SLCO3A1: variants seen among roughly 807,000 people sequenced by gnomAD.
The protein encoded by SLCO3A1 is solute carrier organic anion transporter family member 3A1, also known as PGE1 transporter.
A neutral mutation model predicts 63.1 loss-of-function variants in SLCO3A1; 27 were observed. That is an observed-to-expected ratio of 0.43 (90% confidence interval 0.32 to 0.59). SLCO3A1 has a LOEUF of 0.59. SLCO3A1 is among the 20% of genes least tolerant of loss of function. The probability of loss-of-function intolerance (pLI) is 0.09; values close to 1 mark genes in which losing one functional copy is unlikely to be tolerated. For missense variants in SLCO3A1, 773 were observed against 945.8 expected, an observed-to-expected ratio of 0.82 and a Z score of 2.40; for synonymous variants, 473 against 409.9, an observed-to-expected ratio of 1.15 and a Z score of -1.86.
Position 91,912,068 on chromosome 15 carries a change from C to T in SLCO3A1, c.181-3925C>T, listed in dbSNP as rs1023666413. 5.3e-5 allele frequency among the ~76,000 whole-genome samples: 8 copies of T among 151,598 alleles called. No homozygotes were observed. Among genetic ancestry groups the T allele is most frequent in the African/African-American group, 1.2e-4 (5 of 41,164 alleles). On this transcript the variant is annotated intron_variant, in intron 1 of 9. Transcript: ENST00000318445. This position sits in a 1 kb window ranked among gnomAD's most constrained non-coding sequence, Gnocchi z 5.0. ...ATATACACTTGGTTCAGGATAAGGA[C>T]GCTTCCTCTTTCCTTTTCCTCTTGC...
intron 2 of SLCO3A1, among the ~76,000 whole-genome samples, chr15:92,009,584 C>T (rs999668709): frequency 2.6e-5 from 4 of 152,182 alleles, no homozygotes; most frequent in Non-Finnish European, 5.9e-5. Context: ...TTGGCTCTAC[C>T]ACTATGATCT....
intron 2 of SLCO3A1, among the ~76,000 whole-genome samples, chr15:92,000,956 G>A (rs530785613): frequency 6.6e-5 from 10 of 152,078 alleles, no homozygotes; most frequent in South Asian, 2.1e-4. Context: ...ATTTCCCTTC[G>A]AGGACTGTCA....
chr15:92,024,293 A>G (rs1389205741), intron 2 of SLCO3A1, among the ~76,000 whole-genome samples: 1 of 152,228 alleles, frequency 6.6e-6, no homozygotes, highest in African/African-American at 2.4e-5. Context: ...TTTGGTAAAT[A>G]GAAGTGACTG....
chr15:92,012,420 G>C (rs2046379250), intron 2 of SLCO3A1, among the ~76,000 whole-genome samples: 1 of 152,162 alleles, frequency 6.6e-6, no homozygotes, highest in East Asian at 1.9e-4. Flanking sequence ...TCACCTTGAA[G>C]CCAAGGGAGC....
At chr15:92,015,464 C>T (rs2046415446) in intron 2 of SLCO3A1, among the ~76,000 whole-genome samples, 1 of 152,066 alleles carries the variant, frequency 6.6e-6, no homozygotes, top group African/African-American at 2.4e-5. Flanking sequence ...TGAGAACTCC[C>T]TCACTATCAC....
intron 2 of SLCO3A1, among the ~76,000 whole-genome samples, chr15:91,981,833 G>C (rs1350253920): frequency 6.6e-6 from 1 of 152,236 alleles, no homozygotes; most frequent in African/African-American, 2.4e-5. Context: ...CCTGAGAACA[G>C]ACACAGTGCC....
chr15:91,928,232 G>A (rs1303774627), intron 2 of SLCO3A1, among the ~76,000 whole-genome samples: 1 of 152,202 alleles, frequency 6.6e-6, no homozygotes, highest in Non-Finnish European at 1.5e-5. Flanking sequence ...CCATAATACC[G>A]CTGAATACAC....
chr15:92,075,531 C>A (rs962479847), intron 2 of SLCO3A1, among the ~76,000 whole-genome samples: 1 of 152,246 alleles, frequency 6.6e-6, no homozygotes, highest in Non-Finnish European at 1.5e-5. Context: ...CATTCCGCTG[C>A]AGCTCTTCCT....
At chr15:92,154,719 G>A (rs2048350077) in intron 9 of SLCO3A1, among the ~76,000 whole-genome samples, 1 of 152,098 alleles carries the variant, frequency 6.6e-6, no homozygotes, top group Non-Finnish European at 1.5e-5. Context: ...GGCTGCAGAG[G>A]TGTACTGGTC....
chr15:92,059,959 G>A (rs1171669850), intron 2 of SLCO3A1, among the ~76,000 whole-genome samples: 1 of 152,180 alleles, frequency 6.6e-6, no homozygotes, highest in Non-Finnish European at 1.5e-5. Flanking sequence ...GGTGTAGCCT[G>A]TTGTTCCTAG....
chr15:91,931,524 G>A lies in SLCO3A1; in HGVS notation c.646+15066G>A, dbSNP rs149991637. Among the ~76,000 whole-genome samples, 284 of 151,138 alleles carry A rather than the reference G, an allele frequency of 1.9e-3. 2 individuals are homozygous for A. The highest frequency in any genetic ancestry group is 6.5e-3 in the African/African-American group (266 of 41,132). On this transcript the variant is annotated intron_variant, in intron 2 of 9. Coordinates refer to ENST00000318445, the MANE Select transcript of SLCO3A1 (RefSeq NM_013272.4). Reference sequence around the variant, plus strand: ...CTCGCTCTGTCACCCAGGCTGGAGTGCAATGGTGCGATCTTGGCTCACTGC... The same window carrying A: ...CTCGCTCTGTCACCCAGGCTGGAGTACAATGGTGCGATCTTGGCTCACTGC...
intron 2 of SLCO3A1, among the ~76,000 whole-genome samples, chr15:91,930,056 C>T (rs1899169735): frequency 6.6e-6 from 1 of 152,096 alleles, no homozygotes; most frequent in Admixed American, 6.5e-5. Context: ...TCTGGGTATC[C>T]TAAGGTGTGT....
At chr15:91,970,834 G>A (rs1439703475) in intron 2 of SLCO3A1, among the ~76,000 whole-genome samples, 2 of 152,090 alleles carry the variant, frequency 1.3e-5, no homozygotes, top group South Asian at 4.1e-4. Flanking sequence ...TGTACAAGGG[G>A]CGTCTGCCGT....
intron 2 of SLCO3A1, among the ~76,000 whole-genome samples, chr15:91,970,213 C>T (rs897972447): frequency 2.0e-5 from 3 of 152,146 alleles, no homozygotes; most frequent in Admixed American, 6.5e-5. Flanking sequence ...GGAGAGAGGC[C>T]GAGTATGTTC....
At chr15:91,930,861 C>T (rs1899200907) in intron 2 of SLCO3A1, among the ~76,000 whole-genome samples, 1 of 152,168 alleles carries the variant, frequency 6.6e-6, no homozygotes, top group Admixed American at 6.5e-5. Context: ...ATGCAAAGAG[C>T]TTGAGTAAAG....
At chr15:92,034,442 G>A (rs748167075) in intron 2 of SLCO3A1, among the ~76,000 whole-genome samples, 4 of 151,544 alleles carry the variant, frequency 2.6e-5, no homozygotes, top group Non-Finnish European at 4.4e-5. Context: ...GGGAATGTGA[G>A]TTTATGAGTC....
Position 91,941,706 on chromosome 15 carries a change from T to C in SLCO3A1, c.646+25248T>C, listed in dbSNP as rs1368193523. The C allele has an allele frequency of 8.1e-6, 3 of 369,794 alleles. No homozygotes were observed. The highest frequency in any genetic ancestry group is 1.6e-5 in the Non-Finnish European group (3 of 190,208). The allele number at this position is 369,794 out of a possible 1,614,324, so 22.9% of individuals were successfully genotyped here. The stretch of plus-strand genomic sequence containing the variant: ...TAAAAAAATTATTTTTCCTCCTTTT[T>C]AATTTTTATGTTTAAAATATCTTCT... On this transcript the variant is annotated intron_variant, in intron 2 of 9. Transcript: ENST00000318445. This position sits in a 1 kb window ranked among gnomAD's most constrained non-coding sequence, Gnocchi z 4.4.
downstream of SLCO3A1, among the ~76,000 whole-genome samples, chr15:92,169,411 C>T (rs2048509871): frequency 6.6e-6 from 1 of 152,220 alleles, no homozygotes; most frequent in Admixed American, 6.5e-5. Flanking sequence ...AAGACCCTGG[C>T]CCGAGTGGAC....
intron 3 of SLCO3A1, among the ~76,000 whole-genome samples, chr15:92,103,072 TATC>T (rs1301096739): frequency 6.6e-6 from 1 of 152,182 alleles, no homozygotes; most frequent in Non-Finnish European, 1.5e-5. Context: ...TGGCTGGCCT[TATC>T]ATTAATGCTA....
Sources: gnomAD v4.1 joint callset for allele counts (sites outside exome capture counted in the v4.1 genomes callset) on GRCh38, gnomAD v4.1.1 for gene constraint, Gnocchi (gnomAD v3.1) non-coding constraint, MANE v1.5 for transcripts, NCBI Gene and HGNC (gene_info 2026-07-23, HGNC 2026-07-21) for gene names.